Variants in DIP2B observed in about 807,000 individuals in gnomAD.
DIP2B encodes disco-interacting protein 2 homolog B.
DIP2B carries 76 observed loss-of-function variants against 198.0 expected under a neutral mutation model. That is an observed-to-expected ratio of 0.38 (90% CI 0.32 to 0.46). The LOEUF is 0.46. Ranked by LOEUF, DIP2B falls within the 20% of genes least tolerant of loss-of-function variation. The probability of loss-of-function intolerance (pLI) is 0.99; values close to 1 mark genes in which losing one functional copy is unlikely to be tolerated. For missense variants in DIP2B, 1,559 were observed against 1,978.4 expected, an observed-to-expected ratio of 0.79 and a Z score of 4.02; for synonymous variants, 701 against 739.1, an observed-to-expected ratio of 0.95 and a Z score of 0.84.
chr12:50,613,883 T>C (rs1379538619), intron 1 of DIP2B, among the ~76,000 whole-genome samples: 1 of 152,064 alleles, frequency 6.6e-6, no homozygotes, highest in Non-Finnish European at 1.5e-5. Context: ...GTTGGGCCCA[T>C]GTCCCACTAA....
intron 27 of DIP2B, among the ~76,000 whole-genome samples, chr12:50,724,185 T>C (rs1023976340): frequency 6.6e-6 from 1 of 152,246 alleles, no homozygotes; most frequent in African/African-American, 2.4e-5. Flanking sequence ...GCCCTTGTTA[T>C]ATTCTACAAA....
intron 1 of DIP2B, among the ~76,000 whole-genome samples, chr12:50,518,223 C>CTT (rs11303099): frequency 1.3e-4 from 17 of 132,548 alleles, no homozygotes; most frequent in African/African-American, 3.8e-4. Context: ...TCTTGGGCAA[C>CTT]TTTTTTTTTT....
At chr12:50,628,452 T>A (rs1937978944) in intron 2 of DIP2B, among the ~76,000 whole-genome samples, 2 of 152,142 alleles carry the variant, frequency 1.3e-5, no homozygotes, top group South Asian at 4.1e-4. Flanking sequence ...TACTAAAAAG[T>A]ATCACTGTGT....
intron 1 of DIP2B, among the ~76,000 whole-genome samples, chr12:50,605,376 G>T (rs1265973116): frequency 1.3e-5 from 2 of 152,046 alleles, no homozygotes; most frequent in African/African-American, 4.8e-5. Context: ...TAGGCCAGAA[G>T]TTTGAGACCA....
At chr12:50,577,457 C>T (rs1173263846) in intron 1 of DIP2B, among the ~76,000 whole-genome samples, 1 of 151,914 alleles carries the variant, frequency 6.6e-6, no homozygotes, top group Admixed American at 6.6e-5. Flanking sequence ...TGGTGTGAAC[C>T]CAGAAGGTGG....
intron 36 of DIP2B, among the ~76,000 whole-genome samples, chr12:50,740,993 T>C (rs1940231354): frequency 1.3e-5 from 2 of 152,214 alleles, no homozygotes; most frequent in African/African-American, 4.8e-5. Context: ...TGCACACTCC[T>C]GTCGCTGGGC....
At chr12:50,526,624 G>A (rs1166881736) in intron 1 of DIP2B, among the ~76,000 whole-genome samples, 5 of 91,430 alleles carry the variant, frequency 5.5e-5, no homozygotes, top group African/African-American at 2.1e-4. Context: ...TTTTTCCTCT[G>A]CCTTTTTTTT....
At chr12:50,588,689 A>C (rs1958791700) in intron 1 of DIP2B, among the ~76,000 whole-genome samples, 1 of 152,160 alleles carries the variant, frequency 6.6e-6, no homozygotes, top group South Asian at 2.1e-4. Flanking sequence ...GTCTTAACCC[A>C]GCTGCTGGAT....
intron 14 of DIP2B, among the ~76,000 whole-genome samples, chr12:50,693,526 A>G (rs1440516782): frequency 6.6e-6 from 1 of 152,228 alleles, no homozygotes; most frequent in East Asian, 1.9e-4. Flanking sequence ...GAGAGCCTCT[A>G]GTCTCACTTT....
chr12:50,689,178 A>G (rs971028487), intron 12 of DIP2B, among the ~76,000 whole-genome samples: 1 of 152,150 alleles, frequency 6.6e-6, no homozygotes, highest in Non-Finnish European at 1.5e-5. Flanking sequence ...CAGGCGGATC[A>G]TTTGAGCTCA....
Position 50,678,760 on chromosome 12 carries a change from G to A in DIP2B, c.998G>A (p.Cys333Tyr), listed in dbSNP as rs1006854230. Residue 333 changes from cysteine to tyrosine, a missense_variant, in exon 8 of 38, where the codon TGT becomes TAT. Physicochemically the swap from Cys to Tyr is radical, Grantham distance 194 (BLOSUM62 -2). Transcript: ENST00000301180. Reference sequence around the variant, plus strand: ...AAAGGAGAGCCTTTAGGAGTCATCTGTAACTGGCCTCCTGCTCTTGAATCT... The same window carrying A: ...AAAGGAGAGCCTTTAGGAGTCATCTATAACTGGCCTCCTGCTCTTGAATCT... ...PVKGEPLGVICNWPPALESAL... is the reference protein window; with the variant it reads ...PVKGEPLGVIYNWPPALESAL... 6.2e-7 allele frequency: 1 copy of A among 1,614,216 alleles called. No homozygotes were observed. Among genetic ancestry groups the A allele is most frequent in the South Asian group, 1.1e-5 (1 of 91,084 alleles).
Position 50,691,166 on chromosome 12 carries a change from C to T in DIP2B, c.1654+15C>T. The T allele has an allele frequency of 2.5e-6, 4 of 1,607,636 alleles. No individual in the cohort carries two copies. The highest frequency in any genetic ancestry group is 1.1e-5 in the South Asian group (1 of 90,836). On this transcript the variant is annotated intron_variant, in intron 13 of 37. Transcript: ENST00000301180. Reference sequence around the variant, plus strand: ...TTATTCTGAAGGTCAGACCTCATCCCATGACTGCCCTCATTGTTACCTTCA... The same window carrying T: ...TTATTCTGAAGGTCAGACCTCATCCTATGACTGCCCTCATTGTTACCTTCA...
intron 1 of DIP2B, among the ~76,000 whole-genome samples, chr12:50,595,587 G>A (rs570804080): frequency 6.6e-6 from 1 of 152,322 alleles, no homozygotes; most frequent in African/African-American, 2.4e-5. Context: ...TTACAGGCAT[G>A]AGCCACTGAG....
chr12:50,585,883 A>G (rs1175327551), intron 1 of DIP2B, among the ~76,000 whole-genome samples: 3 of 152,184 alleles, frequency 2.0e-5, no homozygotes, highest in African/African-American at 7.2e-5. Flanking sequence ...CTTTTTTTCT[A>G]AAAATGAATG....
rs181156358 is a variant in DIP2B, at chr12:50,606,963, C to G, written c.101-19013C>G. ...CTAGGACAAGTGTGTGTCATCACAC[C>G]CTGCTAATTTTTGTATTTTTTGTAG... On this transcript the variant is annotated intron_variant, in intron 1 of 37. Coordinates refer to ENST00000301180, the MANE Select transcript of DIP2B (RefSeq NM_173602.3). Among the ~76,000 whole-genome samples, 46 of 152,088 alleles carry G rather than the reference C, an allele frequency of 3.0e-4. No homozygotes were observed. The East Asian group carries it at 8.7e-3, about 29-fold the overall frequency.
At chr12:50,629,261 A>G (rs558915975) in intron 2 of DIP2B, among the ~76,000 whole-genome samples, 1 of 152,188 alleles carries the variant, frequency 6.6e-6, no homozygotes, top group African/African-American at 2.4e-5. Flanking sequence ...GTTAAATGTT[A>G]GATTTCTCAA....
intron 10 of DIP2B, among the ~76,000 whole-genome samples, chr12:50,684,512 C>A (rs542732930): frequency 6.6e-6 from 1 of 152,170 alleles, no homozygotes; most frequent in Non-Finnish European, 1.5e-5. Context: ...AAGAAATTGG[C>A]CAGGCACAAT....
rs561285255 is a variant in DIP2B at position 50,654,411 on chromosome 12, AGTAGTGT to A, written c.302-5781_302-5775del. On this transcript the variant is annotated intron_variant, in intron 3 of 37. Transcript: ENST00000301180. The stretch of plus-strand genomic sequence containing the variant: ...ACTCTGTTGCCCAGGCTGGAGTGCA[AGTAGTGT>A]GATCATGGCTCAGGCAGCCTCGACC... Among the ~76,000 whole-genome samples, 8 of 150,626 alleles carry A rather than the reference AGTAGTGT, an allele frequency of 5.3e-5. No individual in the cohort carries two copies. The South Asian group carries it at 1.7e-3, about 32-fold the overall frequency.
At chr12:50,615,199 C>T (rs1937675467) in intron 1 of DIP2B, among the ~76,000 whole-genome samples, 2 of 151,872 alleles carry the variant, frequency 1.3e-5, no homozygotes, top group African/African-American at 4.8e-5. Flanking sequence ...GAAAAATTAC[C>T]AAGATAAAGG....
Sources: allele counts gnomAD v4.1 joint callset (sites outside exome capture counted in the v4.1 genomes callset), GRCh38; gene constraint gnomAD v4.1.1; transcripts MANE v1.5; gene names NCBI Gene and HGNC (gene_info 2026-07-23, HGNC 2026-07-21).